Variants in RPH3AL observed in about 807,000 individuals in gnomAD.
RPH3AL encodes rabphilin 3A like (without C2 domains).
RPH3AL carries 38 observed loss-of-function variants against 43.1 expected under a neutral mutation model. The ratio of observed to expected loss-of-function variants is 0.88; its 90% confidence interval spans 0.68 to 1.15. RPH3AL has a LOEUF of 1.15. RPH3AL is among the 50% of genes most tolerant of loss of function. The pLI, the probability that RPH3AL is intolerant of heterozygous loss-of-function variation, is 0.00. For missense variants in RPH3AL, 462 were observed against 423.2 expected (o/e 1.09, Z -0.81); for synonymous variants, 189 against 176.3 (o/e 1.07, Z -0.57).
intron 5 of RPH3AL, among the ~76,000 whole-genome samples, chr17:286,214 C>A (rs1336369212): frequency 6.6e-6 from 1 of 152,186 alleles, no homozygotes; most frequent in African/African-American, 2.4e-5. Flanking sequence ...GCCAACGGAT[C>A]TGGGGACAGG....
intron 5 of RPH3AL, among the ~76,000 whole-genome samples, chr17:284,075 C>T (rs1253106159): frequency 6.6e-6 from 1 of 152,228 alleles, no homozygotes; most frequent in Non-Finnish European, 1.5e-5. Context: ...GCACTCTACA[C>T]ACGCATCGGT....
At position 335,222 on chromosome 17, in the gene RPH3AL, G is replaced by A. The variant is rs538920295; in HGVS notation, c.-212-1288C>T. Among the ~76,000 whole-genome samples the A allele has an allele frequency of 9.2e-5, 14 of 152,142 alleles. No individual in the cohort carries two copies. In the South Asian group the frequency reaches 1.9e-3, roughly 20 times the overall value. ...CCCGGGTATGAGGGTGCAGGTGTCC[G>A]GGTGAGACTATCTCTATGGTGAGAA... On this transcript the variant is annotated intron_variant, in intron 1 of 9. Coordinates refer to ENST00000331302, the MANE Select transcript of RPH3AL (RefSeq NM_006987.4).
chr17:349,859 C>T (rs2045319442), intron 1 of RPH3AL, among the ~76,000 whole-genome samples: 1 of 152,140 alleles, frequency 6.6e-6, no homozygotes, highest in South Asian at 2.1e-4. Flanking sequence ...TCTATATCAT[C>T]ACTCACAATC....
At chr17:336,646 G>C (rs2044962168) in intron 1 of RPH3AL, among the ~76,000 whole-genome samples, 1 of 152,172 alleles carries the variant, frequency 6.6e-6, no homozygotes, top group South Asian at 2.1e-4. Flanking sequence ...CCCAGGTCAG[G>C]CCGTGTGATT....
intron 6 of RPH3AL, among the ~76,000 whole-genome samples, 196 bp from the exon 7 acceptor site, chr17:247,481 C>T (rs1181305187): frequency 2.6e-5 from 4 of 152,134 alleles, no homozygotes; most frequent in African/African-American, 4.8e-5. Context: ...ACTCTCCAAA[C>T]CTTCTTTCTC....
intron 5 of RPH3AL, among the ~76,000 whole-genome samples, chr17:298,670 G>A (rs575909911): frequency 1.5e-4 from 23 of 150,520 alleles, no homozygotes; most frequent in South Asian, 1.5e-3. Flanking sequence ...AGGCCACTGC[G>A]CTCCAGCCTG....
intron 2 of RPH3AL, among the ~76,000 whole-genome samples, chr17:330,163 G>A (rs550419448): frequency 2.9e-4 from 44 of 152,276 alleles, no homozygotes; most frequent in African/African-American, 9.9e-4. Flanking sequence ...GACCGCCTCC[G>A]CCTGACCACA....
At chr17:324,707 G>GCTATCTATCTATCTATCTATCTATCTATC (rs1567524419) in intron 3 of RPH3AL, among the ~76,000 whole-genome samples, 1 of 130,508 alleles carries the variant, frequency 7.7e-6, no homozygotes, top group Non-Finnish European at 1.6e-5. Flanking sequence ...AGCTAGCTAT[G>GCTATCTATCTATCTATCTATCTATCTATC]TACCTATCTA....
intron 5 of RPH3AL, among the ~76,000 whole-genome samples, chr17:314,712 C>A (rs1598085483): frequency 3.8e-4 from 1 of 2,602 alleles, no homozygotes; most frequent in African/African-American, 1.5e-3. Context: ...AGTCTCTGTG[C>A]TCCACCTCCA....
At chr17:286,159 C>T (rs907466264) in intron 5 of RPH3AL, among the ~76,000 whole-genome samples, 1 of 152,200 alleles carries the variant, frequency 6.6e-6, no homozygotes, top group Non-Finnish European at 1.5e-5. Flanking sequence ...AGAGTGTCCA[C>T]GGAACTGAGT....
intron 6 of RPH3AL, among the ~76,000 whole-genome samples, chr17:249,830 A>G (rs1555541615): frequency 7.0e-6 from 1 of 143,682 alleles, no homozygotes; most frequent in Non-Finnish European, 1.5e-5. Flanking sequence ...TCACTGCGGG[A>G]CCTCTCGGGG....
chr17:272,765 C>CA (rs1390013357), intron 6 of RPH3AL, among the ~76,000 whole-genome samples: 1 of 146,558 alleles, frequency 6.8e-6, no homozygotes, highest in African/African-American at 2.6e-5. Flanking sequence ...ATTTAAGTCA[C>CA]ACACACACAC....
intron 5 of RPH3AL, among the ~76,000 whole-genome samples, chr17:300,213 C>T (rs1555564694): frequency 2.8e-5 from 2 of 71,172 alleles, no homozygotes; most frequent in East Asian, 4.2e-4. Context: ...CAGAATCTCT[C>T]ACCCACTCTA....
chr17:332,988 G>A lies in RPH3AL; in HGVS notation c.-37+771C>T, dbSNP rs570852483. 9.9e-5 allele frequency: 126 copies of A among 1,279,100 alleles called. No individual in the cohort carries two copies. In the East Asian group the frequency reaches 6.7e-3, roughly 68 times the overall value. The allele number at this position is 1,279,100 out of a possible 1,614,324, so 79.2% of individuals were successfully genotyped here. ...TGATAATTTCCCGAAAAATTCCTAGGGGACAGAGGCTCATCAGCCCCAGGC... is the reference window on the plus strand; with the variant it reads ...TGATAATTTCCCGAAAAATTCCTAGAGGACAGAGGCTCATCAGCCCCAGGC... On this transcript the variant is annotated intron_variant, in intron 2 of 9. Coordinates refer to ENST00000331302, the MANE Select transcript of RPH3AL (RefSeq NM_006987.4).
At chr17:278,464 G>C (rs571532532) in intron 6 of RPH3AL, among the ~76,000 whole-genome samples, 2 of 152,128 alleles carry the variant, frequency 1.3e-5, no homozygotes, top group Non-Finnish European at 2.9e-5. Flanking sequence ...TCTCCTCGCT[G>C]TGCCTCAGAT....
At chr17:252,262 A>C (rs1459567735) in intron 6 of RPH3AL, among the ~76,000 whole-genome samples, 1 of 152,148 alleles carries the variant, frequency 6.6e-6, no homozygotes, top group African/African-American at 2.4e-5. Context: ...AACACGAGCC[A>C]CCACGCCTAG....
rs998391385 is a variant in RPH3AL, at chr17:215,225, T to C, written c.876+429A>G. 2.0e-5 allele frequency among the ~76,000 whole-genome samples: 3 copies of C among 152,160 alleles called. No individual in the cohort carries two copies. The highest frequency in any genetic ancestry group is 4.8e-5 in the African/African-American group (2 of 41,450). On this transcript the variant is annotated intron_variant, in intron 9 of 9. Coordinates refer to ENST00000331302, the MANE Select transcript of RPH3AL (RefSeq NM_006987.4). This position sits in a 1 kb window ranked among gnomAD's most constrained non-coding sequence, Gnocchi z 4.1. ...CCTCACCCCCGCCACAGGATGATCCTGGGCCAACCAGGGCTGGGCCCAGCA... is the reference window on the plus strand; with the variant it reads ...CCTCACCCCCGCCACAGGATGATCCCGGGCCAACCAGGGCTGGGCCCAGCA...
intron 5 of RPH3AL, among the ~76,000 whole-genome samples, chr17:313,875 C>A (rs1200692438): frequency 1.3e-5 from 2 of 152,168 alleles, no homozygotes; most frequent in East Asian, 3.8e-4. Context: ...CAGCTGTGCT[C>A]CCCTAATACA....
intron 5 of RPH3AL, among the ~76,000 whole-genome samples, chr17:297,569 CCA>C (rs1469949076): frequency 6.6e-6 from 1 of 152,214 alleles, no homozygotes; most frequent in East Asian, 1.9e-4. Context: ...TGGGAGAAAT[CCA>C]CACACATCTT....
Sources: gnomAD v4.1 joint callset for allele counts (sites outside exome capture counted in the v4.1 genomes callset) on GRCh38, gnomAD v4.1.1 for gene constraint, Gnocchi (gnomAD v3.1) non-coding constraint, MANE v1.5 for transcripts, NCBI Gene and HGNC (gene_info 2026-07-23, HGNC 2026-07-21) for gene names.